The following PALD1 variants were observed in gnomAD, a reference collection of about 807,000 sequenced individuals.
PALD1 encodes the protein phosphatase domain containing paladin 1, also known as paladin.
PALD1 carries 57 observed loss-of-function variants against 96.0 expected under a neutral mutation model. The ratio of observed to expected loss-of-function variants is 0.59; its 90% CI spans 0.48 to 0.74. The LOEUF (loss-of-function observed/expected upper bound fraction) is 0.74, where lower values mean the gene tolerates loss of function less well. PALD1 is among the 30% of genes least tolerant of loss of function. PALD1 has a pLI of 0.00. For missense variants in PALD1, 1,063 were observed against 1,143.7 expected (o/e 0.93, Z 1.02); for synonymous variants, 464 against 473.6 (o/e 0.98, Z 0.26).
intron 1 of PALD1, among the ~76,000 whole-genome samples, chr10:70,510,022 T>C (rs1451200539): frequency 6.6e-6 from 1 of 151,994 alleles, no homozygotes; most frequent in African/African-American, 2.4e-5. Flanking sequence ...CTAGTGGGGC[T>C]TTTTTTTCCT....
chr10:70,482,336 A>C (rs1845946648), intron 1 of PALD1, among the ~76,000 whole-genome samples: 1 of 152,192 alleles, frequency 6.6e-6, no homozygotes. Flanking sequence ...GTGTTTGCTA[A>C]GAATAGTCCC....
At chr10:70,528,815 C>T (rs779001506) in intron 2 of PALD1, among the ~76,000 whole-genome samples, 1 of 152,184 alleles carries the variant, frequency 6.6e-6, no homozygotes, top group African/African-American at 2.4e-5. Context: ...ATGTGGCTTC[C>T]GTCTTATGAT....
chr10:70,514,494 A>G (rs1846582378), intron 1 of PALD1, among the ~76,000 whole-genome samples: 2 of 152,076 alleles, frequency 1.3e-5, no homozygotes, highest in African/African-American at 2.4e-5. Flanking sequence ...GACTCTTCCT[A>G]GTTTTAAAGA....
chr10:70,467,982 G>T, the PALD1 span, among the ~76,000 whole-genome samples: 1 of 152,048 alleles, frequency 6.6e-6, no homozygotes, highest in Non-Finnish European at 1.5e-5. Context: ...CCATTGACGG[G>T]GTCTGAGGAC....
At chr10:70,522,582 G>T (rs966026368) in intron 1 of PALD1, among the ~76,000 whole-genome samples, 3 of 152,212 alleles carry the variant, frequency 2.0e-5, no homozygotes, top group African/African-American at 7.2e-5. Context: ...ACACTCCATT[G>T]TCACTGCAGG....
chr10:70,523,110 C>T (rs1846771382), intron 1 of PALD1, among the ~76,000 whole-genome samples: 2 of 152,270 alleles, frequency 1.3e-5, no homozygotes, highest in Admixed American at 6.5e-5. Flanking sequence ...ACTGCCTGTT[C>T]TACCCCTGCG....
rs1312515789 is a variant in PALD1 at position 70,529,394 on chromosome 10, C to T, written c.288+63C>T. The T allele has an allele frequency of 1.0e-5, 8 of 762,098 alleles. No individual in the cohort carries two copies. The East Asian group carries it at 1.6e-4, about 16-fold the overall frequency. The allele number at this position is 762,098 out of a possible 1,614,324, so 47.2% of individuals were successfully genotyped here. A position where few individuals can be genotyped will look rare whatever the true frequency, so the allele number is the denominator to read the frequency against. ...CTCCCACCCCTATCTCTCATGAATT[C>T]CCTCCCTCACCTCCCTCTGGCCCTC... On this transcript the variant is annotated intron_variant, in intron 3 of 19. Transcript: ENST00000263563.
intron 1 of PALD1, among the ~76,000 whole-genome samples, chr10:70,506,210 C>T (rs1207231532): frequency 6.6e-6 from 1 of 152,160 alleles, no homozygotes; most frequent in Non-Finnish European, 1.5e-5. Context: ...CCTTACGTGA[C>T]ATTGGTGAAT....
chr10:70,533,454 C>T (rs1202696715), intron 7 of PALD1, among the ~76,000 whole-genome samples: 5 of 152,014 alleles, frequency 3.3e-5, no homozygotes, highest in Admixed American at 1.3e-4. Flanking sequence ...CATCACTGAC[C>T]GCTGGCCCAG....
At chr10:70,458,902 G>A in the PALD1 span, among the ~76,000 whole-genome samples, 2 of 152,366 alleles carry the variant, frequency 1.3e-5, no homozygotes, top group East Asian at 3.9e-4. Flanking sequence ...GCCCCCATTT[G>A]GTGCCAGGCG....
Position 70,534,082 on chromosome 10 carries a change from C to T in PALD1, c.1022+9C>T. The T allele has an allele frequency of 3.8e-6, 6 of 1,587,276 alleles. No individual in the cohort carries two copies. The highest frequency in any genetic ancestry group is 4.5e-5 in the East Asian group (2 of 44,068). ...ACCACCTCCCAGCCAGAGTGAGTGG[C>T]CCGGGGCCCAGCGTCCTGAAGGGCT... is the stretch of plus-strand genomic sequence containing the variant. On this transcript the variant is annotated intron_variant, in intron 8 of 19. Transcript: ENST00000263563.
intron 1 of PALD1, among the ~76,000 whole-genome samples, chr10:70,507,183 C>T (rs1846408169): frequency 1.3e-5 from 2 of 151,802 alleles, no homozygotes; most frequent in Non-Finnish European, 2.9e-5. Flanking sequence ...AGATGGATCA[C>T]CTGAGATCGG....
At chr10:70,532,477 T>C (rs1847011868) in intron 5 of PALD1, 144 bp from the exon 6 acceptor site, 5 of 769,640 alleles carry the variant, frequency 6.5e-6, no homozygotes, top group African/African-American at 1.8e-5. Context: ...TAGAGAGCAC[T>C]TCTGGCTGTG....
At chr10:70,562,174 A>G (rs769037840) in intron 18 of PALD1, among the ~76,000 whole-genome samples, 3 of 152,160 alleles carry the variant, frequency 2.0e-5, no homozygotes, top group Non-Finnish European at 4.4e-5. Context: ...AACCCAGCTC[A>G]TGGGACTCAT....
At chr10:70,462,089 G>A in the PALD1 span, among the ~76,000 whole-genome samples, 1 of 152,212 alleles carries the variant, frequency 6.6e-6, no homozygotes, top group Non-Finnish European at 1.5e-5. Flanking sequence ...CACCACCCTC[G>A]GCTTGGCATC....
At chr10:70,509,167 C>A (rs540797974) in intron 1 of PALD1, among the ~76,000 whole-genome samples, 1 of 152,274 alleles carries the variant, frequency 6.6e-6, no homozygotes, top group South Asian at 2.1e-4. Flanking sequence ...CCCTGGGTCC[C>A]ACGTGTTCTT....
At chr10:70,464,997 T>TG in the PALD1 span, among the ~76,000 whole-genome samples, 14 of 148,420 alleles carry the variant, frequency 9.4e-5, no homozygotes, top group Admixed American at 9.5e-4. Context: ...ATGTTTGAGA[T>TG]GGAGTCTCGC....
chr10:70,534,096 TC>T (rs746516990), intron 8 of PALD1, 23 bp downstream of exon 8: 1 of 1,561,648 alleles, frequency 6.4e-7, no homozygotes, highest in South Asian at 1.2e-5. Context: ...GGGCCCAGCG[TC>T]CTGAAGGGCT....
chr10:70,522,195 A>ATTT (rs199546227), intron 1 of PALD1, among the ~76,000 whole-genome samples: 1 of 150,420 alleles, frequency 6.6e-6, no homozygotes, highest in African/African-American at 2.4e-5. Context: ...GGCCGTTGTG[A>ATTT]TTTTTTTTTT....
Sources: allele counts gnomAD v4.1 joint callset (sites outside exome capture counted in the v4.1 genomes callset), GRCh38; gene constraint gnomAD v4.1.1; transcripts MANE v1.5; gene names NCBI Gene and HGNC (gene_info 2026-07-23, HGNC 2026-07-21).